GRIA3: variants seen among roughly 807,000 people sequenced by gnomAD.
GRIA3 encodes the protein glutamate ionotropic receptor AMPA type subunit 3.
In GRIA3, 3 loss-of-function variants were observed where a neutral mutation model predicts 63.0. The observed-to-expected ratio is 0.05, with a 90% CI of 0.02 to 0.12. The LOEUF is 0.12. GRIA3 is among the 10% of genes least tolerant of loss of function. The pLI, the probability that GRIA3 is intolerant of heterozygous loss-of-function variation, is 1.00. For synonymous variants in GRIA3, 274 were observed against 257.9 expected (o/e 1.06, Z -0.60); for missense variants, 347 against 700.9 (o/e 0.50, Z 5.70).
At chrX:123,222,408 T>C (rs182557396) in intron 2 of GRIA3, among the ~76,000 whole-genome samples, 2 of 112,240 alleles carry the variant, frequency 1.8e-5, no homozygotes, top group African/African-American at 6.5e-5. Flanking sequence ...ATATAAGAAA[T>C]TGAGATGAAG....
intron 12 of GRIA3, among the ~76,000 whole-genome samples, chrX:123,429,448 G>A: frequency 9.0e-6 from 1 of 111,695 alleles, no homozygotes; most frequent in Non-Finnish European, 1.9e-5. Context: ...TCCCCAACTG[G>A]GAGGAGGGGT....
chrX:123,483,350 T>C (rs1006289203), intron 15 of GRIA3, among the ~76,000 whole-genome samples: 16 of 111,886 alleles, frequency 1.4e-4, no homozygotes, highest in African/African-American at 4.9e-4. Context: ...TTAAATGTTC[T>C]AGTAGTCATA....
chrX:123,254,334 A>G (rs1380498975), intron 3 of GRIA3, among the ~76,000 whole-genome samples: 1 of 111,552 alleles, frequency 9.0e-6, no homozygotes, highest in Non-Finnish European at 1.9e-5. Context: ...TTAATTTGCT[A>G]GAGCACACAC....
At chrX:123,477,979 G>A (rs2045894611) in intron 13 of GRIA3, among the ~76,000 whole-genome samples, 1 of 111,814 alleles carries the variant, frequency 8.9e-6, no homozygotes, top group African/African-American at 3.3e-5. Context: ...AAAGGAGGAA[G>A]AATTTGCTTT....
At chrX:123,203,549 A>G (rs747704417) in intron 2 of GRIA3, among the ~76,000 whole-genome samples, 1 of 111,698 alleles carries the variant, frequency 9.0e-6, no homozygotes, top group East Asian at 2.8e-4. Flanking sequence ...AGGAGCTCAG[A>G]GTCTTCAAGA....
At chrX:123,487,710 T>G (rs942759444) in intron 15 of GRIA3, among the ~76,000 whole-genome samples, 3 of 111,598 alleles carry the variant, frequency 2.7e-5, no homozygotes, top group Non-Finnish European at 3.8e-5. Context: ...AGGGGGAGAC[T>G]TTATTCTTTC....
Position 123,368,499 on chromosome X carries a change from C to T in GRIA3, c.750+13536C>T, listed in dbSNP as rs182830979. Among the ~76,000 whole-genome samples the T allele has an allele frequency of 3.6e-5, 4 of 111,238 alleles. No individual in the cohort carries two copies. The Admixed American group carries it at 3.8e-4, about 11-fold the overall frequency. On this transcript the variant is annotated intron_variant, in intron 5 of 15. Transcript: ENST00000620443. ...TTTAGGAAACCAGGGACTCTAAATT[C>T]TCCGACATGGTGAACTGTGGGTGGC...
chrX:123,260,504 GAAAGAA>G lies in GRIA3; in HGVS notation c.508+6964_508+6969del. ...AGAAAGAAAGAAAGAAAGAAAGAAAGAAAGAAAGAAAGAAAGAAAGAAAGGAAAGAA... is the reference window on the plus strand; with the variant it reads ...AGAAAGAAAGAAAGAAAGAAAGAAAGAGAAAGAAAGAAAGAAAGGAAAGAA... On this transcript the variant is annotated intron_variant, in intron 3 of 15. Coordinates refer to ENST00000620443, the MANE Select transcript of GRIA3 (RefSeq NM_007325.5). 6.7e-5 allele frequency among the ~76,000 whole-genome samples: 3 copies of G among 44,545 alleles called. 1 individual carries two copies. The highest frequency in any genetic ancestry group is 2.2e-4 in the African/African-American group (3 of 13,892). The allele number at this position is 44,545 out of a possible 115,157, so 38.7% of individuals were successfully genotyped here.
At chrX:123,252,860 A>C (rs1254163325) in intron 2 of GRIA3, among the ~76,000 whole-genome samples, 1 of 112,108 alleles carries the variant, frequency 8.9e-6, no homozygotes, top group African/African-American at 3.2e-5. Flanking sequence ...TAGCAGACTT[A>C]TTAGCAGCTA....
intron 5 of GRIA3, among the ~76,000 whole-genome samples, chrX:123,390,430 TG>T (rs1164501876): frequency 8.9e-6 from 1 of 111,919 alleles, no homozygotes; most frequent in Non-Finnish European, 1.9e-5. Flanking sequence ...TGTTTTGTTT[TG>T]TTTTGTTTTG....
At chrX:123,240,444 C>T (rs2044323887) in intron 2 of GRIA3, among the ~76,000 whole-genome samples, 1 of 111,473 alleles carries the variant, frequency 9.0e-6, no homozygotes, top group African/African-American at 3.3e-5. Flanking sequence ...AAAAGGTGAA[C>T]TGTTTTGAGT....
At chrX:123,356,870 T>C (rs923099255) in intron 5 of GRIA3, among the ~76,000 whole-genome samples, 2 of 111,617 alleles carry the variant, frequency 1.8e-5, no homozygotes, top group East Asian at 2.8e-4. Flanking sequence ...GGGGCAGTCA[T>C]TGATGTGTCG....
At chrX:123,463,717 A>T (rs1483106206) in intron 12 of GRIA3, among the ~76,000 whole-genome samples, 2 of 102,823 alleles carry the variant, frequency 1.9e-5, no homozygotes, top group Non-Finnish European at 3.9e-5. Flanking sequence ...AGAAAGAAAG[A>T]AAGAAAGAGA....
chrX:123,264,189 C>T (rs1161173110), intron 3 of GRIA3, among the ~76,000 whole-genome samples: 1 of 112,040 alleles, frequency 8.9e-6, no homozygotes, highest in Non-Finnish European at 1.9e-5. Flanking sequence ...TAAGAATCCA[C>T]CAAGCATCTA....
chrX:123,296,939 T>C (rs966977653), intron 3 of GRIA3, among the ~76,000 whole-genome samples: 1 of 111,779 alleles, frequency 8.9e-6, no homozygotes, highest in African/African-American at 3.2e-5. Flanking sequence ...GAGAATAAAA[T>C]GCTCGATTTC....
chrX:123,453,397 G>T (rs367675098), intron 12 of GRIA3, among the ~76,000 whole-genome samples: 16 of 110,003 alleles, frequency 1.5e-4, no homozygotes, highest in African/African-American at 4.0e-4. Flanking sequence ...GTCGTGGGGT[G>T]GGGGGAGAGG....
chrX:123,453,496 A>T (rs1324458132), intron 12 of GRIA3, among the ~76,000 whole-genome samples: 18 of 111,280 alleles, frequency 1.6e-4, no homozygotes, highest in African/African-American at 5.9e-4. Context: ...CATATGTAAC[A>T]AACCTGCACG....
chrX:123,380,419 G>A (rs1362815793), intron 5 of GRIA3, among the ~76,000 whole-genome samples: 1 of 111,764 alleles, frequency 8.9e-6, no homozygotes, highest in African/African-American at 3.3e-5. Flanking sequence ...TTTTTCATGT[G>A]TCTTTTGGCT....
At chrX:123,448,232 T>C (rs969998262) in intron 12 of GRIA3, among the ~76,000 whole-genome samples, 1 of 112,509 alleles carries the variant, frequency 8.9e-6, no homozygotes, top group African/African-American at 3.2e-5. Context: ...AAACAGTTTC[T>C]GCACGTGCCT....
Sources: allele counts gnomAD v4.1 joint callset (sites outside exome capture counted in the v4.1 genomes callset), GRCh38; gene constraint gnomAD v4.1.1; transcripts MANE v1.5; gene names NCBI Gene and HGNC (gene_info 2026-07-23, HGNC 2026-07-21).